The following ACSM6 variants were observed in gnomAD, a reference collection of about 807,000 sequenced individuals.
ACSM6 encodes the protein acyl-CoA synthetase medium chain family member 6, also known as acyl-coenzyme A synthetase ACSM6, mitochondrial.
In ACSM6, 35 loss-of-function variants were observed where a neutral mutation model predicts 51.1. The ratio of observed to expected loss-of-function variants is 0.69; its 90% CI spans 0.52 to 0.91. The LOEUF (loss-of-function observed/expected upper bound fraction) is 0.91. ACSM6 is among the 40% of genes least tolerant of loss of function. The pLI, the probability that ACSM6 is intolerant of heterozygous loss-of-function variation, is 0.00. For missense variants in ACSM6, 509 were observed against 584.1 expected, an observed-to-expected ratio of 0.87 and a Z score of 1.32; for synonymous variants, 172 against 207.3, an observed-to-expected ratio of 0.83 and a Z score of 1.46.
chr10:95,214,929 G>T, exon 8 of ACSM6: 1 of 1,551,626 alleles, frequency 6.4e-7, no homozygotes, highest in Non-Finnish European at 8.7e-7. Context: ...GACTGGAAAC[G>T]CATCACTAAG....
chr10:95,210,647 C>T lies in ACSM6; in HGVS notation c.612-3C>T, dbSNP rs368279490. ...TCACTGTTGCCTCTTTCCTGGCTTACAGAGTTGCCCCTCCAAAGCAGACCT... is the reference window on the plus strand; with the variant it reads ...TCACTGTTGCCTCTTTCCTGGCTTATAGAGTTGCCCCTCCAAAGCAGACCT... On this transcript the variant is annotated splice_polypyrimidine_tract_variant and splice_region_variant and intron_variant, in intron 4 of 10. Transcript: ENST00000341686. 6 of 1,612,448 alleles carry T rather than the reference C, an allele frequency of 3.7e-6. No individual in the cohort carries two copies. The African/African-American group carries it at 8.0e-5, about 22-fold the overall frequency.
intron 4 of ACSM6, 41 bp downstream of exon 4, chr10:95,207,456 T>C (rs750393196): frequency 6.3e-7 from 1 of 1,582,954 alleles, no homozygotes; most frequent in Non-Finnish European, 8.7e-7. Flanking sequence ...ATGAAGGAAA[T>C]GTTTGACTTT....
In ACSM6 at chr10:95,220,574, C is replaced by T. The variant is rs780924797; in HGVS notation, c.1200+603C>T. 1.1e-4 allele frequency among the ~76,000 whole-genome samples: 17 copies of T among 152,264 alleles called. No homozygotes were observed. The East Asian group carries it at 1.5e-3, about 14-fold the overall frequency. ...TAGTCCTTTGCTTTCACGCCTATCT[C>T]GCCTTTTTTTAACATTGGTCAAAAG... On this transcript the variant is annotated intron_variant, in intron 9 of 10. Coordinates refer to ENST00000341686, the Ensembl canonical transcript of ACSM6.
exon 11 of ACSM6, chr10:95,228,702 G>A: frequency 6.4e-7 from 1 of 1,551,914 alleles, no homozygotes; most frequent in Middle Eastern, 1.7e-4. Context: ...ACAGGTGACA[G>A]AGGGATCATG....
At chr10:95,213,709 T>C (rs1017648589) in intron 7 of ACSM6, among the ~76,000 whole-genome samples, 2 of 152,170 alleles carry the variant, frequency 1.3e-5, no homozygotes, top group Admixed American at 1.3e-4. Flanking sequence ...AACTAAGAAG[T>C]AGAATTGCCA....
At chr10:95,210,651 G>C (rs2034884238) in exon 5 of ACSM6, 5 of 1,613,086 alleles carry the variant, frequency 3.1e-6, no homozygotes, top group East Asian at 4.5e-5. Flanking sequence ...GGCTTACAGA[G>C]TTGCCCCTCC....
At chr10:95,217,849 A>T (rs513661) in intron 8 of ACSM6, among the ~76,000 whole-genome samples, 80,167 of 152,134 alleles carry the variant, frequency 0.53, 22,048 homozygotes, top group Middle Eastern at 0.66. Context: ...AAGGTTCAAA[A>T]CTTTGAGACC....
intron 3 of ACSM6, among the ~76,000 whole-genome samples, chr10:95,204,676 T>A (rs2034825901): frequency 6.6e-6 from 1 of 152,078 alleles, no homozygotes; most frequent in African/African-American, 2.4e-5. Flanking sequence ...TAACTCTACC[T>A]CCAAATAATG....
intron 2 of ACSM6, among the ~76,000 whole-genome samples, chr10:95,201,035 C>A (rs1219566612): frequency 6.6e-6 from 1 of 152,178 alleles, no homozygotes; most frequent in African/African-American, 2.4e-5. Context: ...AAATTAAATT[C>A]TTTCCCCTTC....
chr10:95,220,319 CT>C (rs2034985050), intron 9 of ACSM6, among the ~76,000 whole-genome samples: 1 of 152,144 alleles, frequency 6.6e-6, no homozygotes, highest in Non-Finnish European at 1.5e-5. Context: ...GCATTCTGTA[CT>C]TGAACTAAAA....
chr10:95,217,346 C>CAAAAAAA (rs71986766), intron 8 of ACSM6, among the ~76,000 whole-genome samples: 1 of 138,366 alleles, frequency 7.2e-6, no homozygotes. Context: ...GACTCCATCT[C>CAAAAAAA]AAAAAAAAAA....
At chr10:95,199,782 C>T (rs540266043) in intron 2 of ACSM6, among the ~76,000 whole-genome samples, 1 of 152,288 alleles carries the variant, frequency 6.6e-6, no homozygotes. Context: ...CAGAGAAATG[C>T]AAATCAAAAC....
At chr10:95,204,358 C>G (rs1407702635) in intron 3 of ACSM6, among the ~76,000 whole-genome samples, 1 of 152,104 alleles carries the variant, frequency 6.6e-6, no homozygotes, top group African/African-American at 2.4e-5. Context: ...TCGGGACCAA[C>G]CTGGCCAACA....
intron 2 of ACSM6, among the ~76,000 whole-genome samples, chr10:95,200,558 A>AG (rs1564586348): frequency 2.7e-5 from 4 of 148,346 alleles, no homozygotes; most frequent in East Asian, 1.9e-4. Context: ...AGAAGAAGAA[A>AG]GAAGAGGAAG....
intron 2 of ACSM6, among the ~76,000 whole-genome samples, chr10:95,198,907 C>G (rs2034762910): frequency 6.6e-6 from 1 of 152,152 alleles, no homozygotes; most frequent in Admixed American, 6.5e-5. Context: ...GAATCAATAT[C>G]ATGAAAATGG....
At chr10:95,219,385 A>G (rs1216472294) in intron 8 of ACSM6, among the ~76,000 whole-genome samples, 1 of 152,128 alleles carries the variant, frequency 6.6e-6, no homozygotes, top group Non-Finnish European at 1.5e-5. Context: ...AAAGGCACTA[A>G]AAAACAAACA....
chr10:95,200,807 T>C (rs1389305146), intron 2 of ACSM6, among the ~76,000 whole-genome samples: 1 of 138,234 alleles, frequency 7.2e-6, no homozygotes, highest in Non-Finnish European at 1.6e-5. Context: ...AGGCGAGAGA[T>C]GGGGGAAAGA....
chr10:95,208,933 T>TAAAAAAAAAAAAAAAA (rs34370150), intron 4 of ACSM6, among the ~76,000 whole-genome samples: 7 of 33,918 alleles, frequency 2.1e-4, no homozygotes, highest in Non-Finnish European at 3.8e-4. Context: ...CAGGGATGTT[T>TAAAAAAAAAAAAAAAA]AAAAAAAAAA....
chr10:95,196,920 GT>G (rs893025331), intron 2 of ACSM6, among the ~76,000 whole-genome samples: 1 of 151,476 alleles, frequency 6.6e-6, no homozygotes, highest in African/African-American at 2.4e-5. Context: ...TAGTTTACAA[GT>G]TTTTTTTTGC....
Sources: gnomAD v4.1 joint callset for allele counts (sites outside exome capture counted in the v4.1 genomes callset) on GRCh38, gnomAD v4.1.1 for gene constraint, MANE v1.5 for transcripts, NCBI Gene and HGNC (gene_info 2026-07-23, HGNC 2026-07-21) for gene names.